SENP5: variants seen among roughly 807,000 people sequenced by gnomAD.
SENP5 encodes SUMO specific peptidase 5.
SENP5 carries 21 observed loss-of-function variants against 74.2 expected under a neutral mutation model. The observed-to-expected ratio is 0.28, with a 90% CI of 0.20 to 0.41. SENP5 has a LOEUF of 0.41. SENP5 is among the 10% of genes least tolerant of loss of function. The pLI is 1.00. For synonymous variants in SENP5, 311 were observed against 312.7 expected (o/e 0.99, Z 0.06); for missense variants, 717 against 889.1 (o/e 0.81, Z 2.46).
chr3:196,874,602 G>C (rs1048333768), intron 1 of SENP5, among the ~76,000 whole-genome samples: 5 of 151,672 alleles, frequency 3.3e-5, no homozygotes, highest in Non-Finnish European at 5.9e-5. Context: ...TTAAATCCTG[G>C]AGTTCCAGCT....
At chr3:196,914,838 G>A (rs568849706) in intron 6 of SENP5, among the ~76,000 whole-genome samples, 5 of 151,972 alleles carry the variant, frequency 3.3e-5, no homozygotes, top group South Asian at 2.1e-4. Context: ...AAGAGGCATC[G>A]AAGAGGGTAG....
chr3:196,895,422 G>A (rs201250704), intron 2 of SENP5, among the ~76,000 whole-genome samples: 1 of 152,044 alleles, frequency 6.6e-6, no homozygotes, highest in Non-Finnish European at 1.5e-5. Flanking sequence ...TCCTGACCTC[G>A]TGATCCACCC....
chr3:196,918,285 C>T (rs1438201623), intron 6 of SENP5, among the ~76,000 whole-genome samples: 22 of 143,902 alleles, frequency 1.5e-4, no homozygotes, highest in Non-Finnish European at 3.0e-4. Flanking sequence ...CCAAGCTGGG[C>T]GACAGAACGA....
intron 6 of SENP5, among the ~76,000 whole-genome samples, chr3:196,918,975 GTGTATC>G (rs1195133757): frequency 2.4e-5 from 1 of 42,348 alleles, no homozygotes; most frequent in Non-Finnish European, 6.9e-5. Flanking sequence ...TTATGTATGT[GTGTATC>G]TATCTATCTA....
intron 6 of SENP5, among the ~76,000 whole-genome samples, chr3:196,922,695 A>G (rs1715666423): frequency 6.6e-6 from 1 of 152,124 alleles, no homozygotes; most frequent in Non-Finnish European, 1.5e-5. Flanking sequence ...ATCTCTGCTC[A>G]GTGCAACCTC....
intron 6 of SENP5, among the ~76,000 whole-genome samples, chr3:196,918,083 G>A: frequency 6.6e-6 from 1 of 151,504 alleles, no homozygotes; most frequent in Non-Finnish European, 1.5e-5. Flanking sequence ...GCTGAGGCAG[G>A]TGGATCACGA....
chr3:196,876,953 G>C (rs1246281415), intron 1 of SENP5, among the ~76,000 whole-genome samples: 1 of 152,046 alleles, frequency 6.6e-6, no homozygotes, highest in Non-Finnish European at 1.5e-5. Flanking sequence ...TATACTTGTT[G>C]GGCACTACAA....
At chr3:196,919,793 CAAAAA>C (rs577670068) in intron 6 of SENP5, among the ~76,000 whole-genome samples, 4 of 135,078 alleles carry the variant, frequency 3.0e-5, no homozygotes, top group African/African-American at 8.1e-5. Flanking sequence ...AACTTCATCT[CAAAAA>C]AAAAAAAGGG....
rs541331433 is a variant in SENP5, at chr3:196,873,612, G to A, written c.-32+5539G>A. Reference sequence around the variant, plus strand: ...TCCCAGCACTTTGGGAGTCTGAGGCGGGTGGATTGCGAGGTCAGGAGATCA... The same window carrying A: ...TCCCAGCACTTTGGGAGTCTGAGGCAGGTGGATTGCGAGGTCAGGAGATCA... On this transcript the variant is annotated intron_variant, in intron 1 of 9. Coordinates refer to ENST00000323460, the MANE Select transcript of SENP5 (RefSeq NM_152699.5). Among the ~76,000 whole-genome samples, 4 of 151,676 alleles carry A rather than the reference G, an allele frequency of 2.6e-5. No individual in the cohort carries two copies. The East Asian group carries it at 5.9e-4, about 22-fold the overall frequency.
At chr3:196,913,011 CA>C (rs550601834) in intron 6 of SENP5, 70 of 152,246 alleles carry the variant, frequency 4.6e-4, no homozygotes, top group African/African-American at 1.6e-3. Flanking sequence ...TATCAGATTT[CA>C]ATATAAAGGA....
Position 196,931,716 on chromosome 3 carries a change from A to G in SENP5, c.*793A>G, listed in dbSNP as rs1716044355. ...ATTTTTCTGTTTTCGACCTGTTAAAAAAATCTTAACATCCATCAAACTAGT... is the reference window on the plus strand; with the variant it reads ...ATTTTTCTGTTTTCGACCTGTTAAAGAAATCTTAACATCCATCAAACTAGT... On this transcript the variant is annotated 3_prime_UTR_variant, in exon 10 of 10. Transcript: ENST00000323460. 1 of 269,132 alleles carries G rather than the reference A, an allele frequency of 3.7e-6. No individual in the cohort carries two copies. Among genetic ancestry groups the G allele is most frequent in the Admixed American group, 5.7e-5 (1 of 17,642 alleles). 16.7% of individuals were successfully genotyped at this position (269,132 alleles called of 1,614,324 possible). A position where few individuals can be genotyped will look rare whatever the true frequency, so the allele number is the denominator to read the frequency against.
chr3:196,880,044 C>G (rs1713656111), intron 1 of SENP5, among the ~76,000 whole-genome samples: 1 of 152,000 alleles, frequency 6.6e-6, no homozygotes, highest in African/African-American at 2.4e-5. Flanking sequence ...CTCCTGGGTT[C>G]AAGTGATTCT....
In SENP5 at chr3:196,885,394, C is replaced by T. The variant is rs1257685438; in HGVS notation, c.213C>T (p.Ile71=). ...CTCTTCAAATCCAGAAAACGTGGAT[C>T]AAGGATGAACCCCTTTGTGCTAAGA... ...KKALQIQKTW[I]KDEPLCAKTK... The change falls in exon 2 of 10, where the codon ATC becomes ATT. Residue 71 remains isoleucine (I), a synonymous_variant. Transcript: ENST00000323460. 1.2e-6 allele frequency: 2 copies of T among 1,614,162 alleles called. No homozygotes were observed. The highest frequency in any genetic ancestry group is 2.2e-5 in the South Asian group (2 of 91,082).
At chr3:196,914,586 A>AAAAAAAAATATATATATATATAT in intron 6 of SENP5, 18 of 33,476 alleles carry the variant, frequency 5.4e-4, no homozygotes, top group South Asian at 1.7e-3. Context: ...AAAAAAAAAA[A>AAAAAAAAATATATATATATATAT]ATATATATAT....
Position 196,920,853 on chromosome 3 carries a change from C to A in SENP5, c.1885-2561C>A, listed in dbSNP as rs9860985. On this transcript the variant is annotated intron_variant, in intron 6 of 9. Coordinates refer to ENST00000323460, the MANE Select transcript of SENP5 (RefSeq NM_152699.5). Reference sequence around the variant, plus strand: ...GTAGCTCTGAAAGTTTCAATCTGATCGTGACATAACTTCACTTCTGCTTAT... The same window carrying A: ...GTAGCTCTGAAAGTTTCAATCTGATAGTGACATAACTTCACTTCTGCTTAT... 1.2e-4 allele frequency among the ~76,000 whole-genome samples: 19 copies of A among 152,050 alleles called. 1 individual carries two copies. Among genetic ancestry groups the A allele is most frequent in the Non-Finnish European group, 2.5e-4 (17 of 67,998 alleles).
intron 6 of SENP5, among the ~76,000 whole-genome samples, chr3:196,905,883 A>C (rs1444138578): frequency 6.6e-6 from 1 of 152,120 alleles, no homozygotes; most frequent in Non-Finnish European, 1.5e-5. Context: ...TCTTATCCTA[A>C]AGCCACCTAG....
chr3:196,924,380 A>G (rs1211097013), intron 7 of SENP5, among the ~76,000 whole-genome samples: 1 of 152,238 alleles, frequency 6.6e-6, no homozygotes, highest in Non-Finnish European at 1.5e-5. Flanking sequence ...GAAAACTCCT[A>G]CAAATGAATA....
intron 9 of SENP5, 21 bp from the exon 10 acceptor site, chr3:196,930,792 C>G: frequency 7.1e-7 from 1 of 1,400,598 alleles, no homozygotes; most frequent in Non-Finnish European, 9.6e-7. Flanking sequence ...TGAAGTGTTT[C>G]TGGGACCTTT....
intron 1 of SENP5, among the ~76,000 whole-genome samples, chr3:196,868,507 C>G (rs906400399): frequency 6.6e-6 from 1 of 152,236 alleles, no homozygotes; most frequent in Non-Finnish European, 1.5e-5. Flanking sequence ...CCAGAGAGCC[C>G]GGTTGGGCAT....
Sources: gnomAD v4.1 joint callset for allele counts (sites outside exome capture counted in the v4.1 genomes callset) on GRCh38, gnomAD v4.1.1 for gene constraint, MANE v1.5 for transcripts, NCBI Gene and HGNC (gene_info 2026-07-23, HGNC 2026-07-21) for gene names.